GRIP1: variants seen among roughly 807,000 people sequenced by gnomAD.
GRIP1 encodes the protein glutamate receptor-interacting protein 1.
A neutral mutation model predicts 129.9 loss-of-function variants in GRIP1; 45 were observed. The observed-to-expected ratio is 0.35, with a 90% CI of 0.27 to 0.44. The LOEUF (loss-of-function observed/expected upper bound fraction) is 0.44, where lower values mean the gene tolerates loss of function less well. Among genes scored for constraint, GRIP1 ranks in the 20% least tolerant of loss-of-function variants. The probability of loss-of-function intolerance (pLI) is 1.00; values close to 1 mark genes in which losing one functional copy is unlikely to be tolerated. For missense variants in GRIP1, 1,196 were observed against 1,396.8 expected (o/e 0.86, Z 2.29); for synonymous variants, 530 against 520.8 (o/e 1.02, Z -0.24).
At chr12:66,621,493 A>AG (rs36059392) in intron 1 of GRIP1, among the ~76,000 whole-genome samples, 79,013 of 151,846 alleles carry the variant, frequency 0.52, 21,117 homozygotes, top group Non-Finnish European at 0.59. Flanking sequence ...TTGTTTATTC[A>AG]TCTGTTGATG....
chr12:66,861,777 GAA>G (rs1170765298), intron 1 of GRIP1, among the ~76,000 whole-genome samples: 3 of 151,986 alleles, frequency 2.0e-5, no homozygotes, highest in Non-Finnish European at 4.4e-5. Flanking sequence ...TTTCACTTCT[GAA>G]AACAGGCTCC....
chr12:66,955,215 AAC>A (rs1566093394), intron 1 of GRIP1, among the ~76,000 whole-genome samples: 1 of 152,182 alleles, frequency 6.6e-6, no homozygotes, highest in Non-Finnish European at 1.5e-5. Flanking sequence ...GGCTTGTTAA[AAC>A]ACAGATTGCT....
intron 15 of GRIP1, among the ~76,000 whole-genome samples, chr12:66,411,895 A>G (rs1337067155): frequency 1.3e-5 from 2 of 152,220 alleles, no homozygotes; most frequent in Non-Finnish European, 2.9e-5. Context: ...GTTGAAGACT[A>G]TCTTTCTAAA....
chr12:66,759,741 G>T (rs1242737747), intron 1 of GRIP1, among the ~76,000 whole-genome samples: 1 of 146,114 alleles, frequency 6.8e-6, no homozygotes, highest in East Asian at 2.1e-4. Flanking sequence ...GCAAAATGCC[G>T]CTAGTCTCTT....
chr12:66,881,837 A>T (rs986712645), intron 1 of GRIP1, among the ~76,000 whole-genome samples: 2 of 152,210 alleles, frequency 1.3e-5, no homozygotes, highest in African/African-American at 4.8e-5. Context: ...AAATGGCCAG[A>T]CTGCATTTTC....
intron 1 of GRIP1, among the ~76,000 whole-genome samples, chr12:66,716,162 A>G (rs2035881273): frequency 6.6e-6 from 1 of 152,114 alleles, no homozygotes; most frequent in Non-Finnish European, 1.5e-5. Flanking sequence ...ATAAAGTGTA[A>G]CTACTTTGAG....
rs1208637603 is a variant in GRIP1, at chr12:66,723,240, CTT to C, written c.-420+80811_-420+80812del. ...TTTCTTTCTTTCTCTCTCTCTCTCT[CTT>C]CCTTCCTTCCTTCCTTCCTTCCTTC... On this transcript the variant is annotated intron_variant, in intron 1 of 4. Coordinates refer to the GRIP1 transcript ENST00000538373. Among the ~76,000 whole-genome samples the C allele has an allele frequency of 1.0e-3, 5 of 4,898 alleles. 1 individual carries two copies. The highest frequency in any genetic ancestry group is 0.05 in the Middle Eastern group (1 of 20). The allele number at this position is 4,898 out of a possible 152,430, so 3.2% of individuals were successfully genotyped here. A position where few individuals can be genotyped will look rare whatever the true frequency, so the allele number is the denominator to read the frequency against.
intron 7 of GRIP1, among the ~76,000 whole-genome samples, chr12:66,467,877 G>A (rs550114092): frequency 6.6e-6 from 1 of 152,336 alleles, no homozygotes; most frequent in South Asian, 2.1e-4. Context: ...TAATAGGTAT[G>A]TTTGTGGGGT....
chr12:66,785,778 G>A (rs2038322322), intron 1 of GRIP1, among the ~76,000 whole-genome samples: 1 of 151,914 alleles, frequency 6.6e-6, no homozygotes, highest in South Asian at 2.1e-4. Context: ...ACACACTTAA[G>A]TAACCTTTAA....
chr12:66,517,427 C>T (rs2060878569), intron 6 of GRIP1, among the ~76,000 whole-genome samples: 1 of 152,156 alleles, frequency 6.6e-6, no homozygotes, highest in African/African-American at 2.4e-5. Flanking sequence ...CAGTCACTAT[C>T]AAAGAATAAC....
At chr12:66,643,923 T>C (rs531687755) in intron 1 of GRIP1, among the ~76,000 whole-genome samples, 2 of 152,254 alleles carry the variant, frequency 1.3e-5, no homozygotes, top group African/African-American at 4.8e-5. Flanking sequence ...TATTAGTCCA[T>C]TTTCACACTG....
intron 1 of GRIP1, among the ~76,000 whole-genome samples, chr12:66,981,204 G>T (rs1260458447): frequency 6.6e-6 from 1 of 152,162 alleles, no homozygotes; most frequent in Non-Finnish European, 1.5e-5. Flanking sequence ...TCTTCCTTAT[G>T]ATCTACAAGC....
chr12:66,919,028 A>G (rs1000292915), intron 1 of GRIP1, among the ~76,000 whole-genome samples: 1 of 152,244 alleles, frequency 6.6e-6, no homozygotes, highest in Non-Finnish European at 1.5e-5. Flanking sequence ...TTTGAGCTTC[A>G]GTCCCACAAA....
intron 23 of GRIP1, among the ~76,000 whole-genome samples, chr12:66,363,367 C>T (rs1358906362): frequency 1.3e-5 from 2 of 149,182 alleles, no homozygotes; most frequent in African/African-American, 4.9e-5. Context: ...CCTCAGCCTC[C>T]TTAGCTGGGA....
chr12:66,852,385 A>G (rs2137082647), intron 1 of GRIP1, among the ~76,000 whole-genome samples: 1 of 152,052 alleles, frequency 6.6e-6, no homozygotes, highest in East Asian at 1.9e-4. Flanking sequence ...TGTCATTTAG[A>G]ATGAGATTCG....
intron 1 of GRIP1, among the ~76,000 whole-genome samples, chr12:66,846,962 T>C (rs1466907526): frequency 6.6e-6 from 1 of 152,102 alleles, no homozygotes; most frequent in East Asian, 1.9e-4. Context: ...GTGGCTTCCC[T>C]GGTTGTCTGG....
chr12:67,063,099 C>T (rs1426309111), intron 1 of GRIP1, among the ~76,000 whole-genome samples: 1 of 152,084 alleles, frequency 6.6e-6, no homozygotes, highest in Admixed American at 6.6e-5. Context: ...ATTTCTTGTC[C>T]TCATCTTAAA....
intron 23 of GRIP1, among the ~76,000 whole-genome samples, chr12:66,370,799 A>C (rs1592710138): frequency 6.6e-6 from 1 of 152,310 alleles, no homozygotes; most frequent in African/African-American, 2.4e-5. Context: ...CCTGCCAGCA[A>C]ATCTTGAATT....
At chr12:66,933,938 T>C (rs1248502219) in intron 1 of GRIP1, among the ~76,000 whole-genome samples, 1 of 152,202 alleles carries the variant, frequency 6.6e-6, no homozygotes, top group African/African-American at 2.4e-5. Context: ...TTGTTACCTC[T>C]AACAGAATCT....
Sources: allele counts gnomAD v4.1 joint callset (sites outside exome capture counted in the v4.1 genomes callset), GRCh38; gene constraint gnomAD v4.1.1; transcripts MANE v1.5; gene names NCBI Gene and HGNC (gene_info 2026-07-23, HGNC 2026-07-21).